The following USP25 variants were observed in gnomAD, a reference collection of about 807,000 sequenced individuals.
The protein encoded by USP25 is ubiquitin specific peptidase 25.
In USP25, 85 loss-of-function variants were observed where a neutral mutation model predicts 158.5. The ratio of observed to expected loss-of-function variants is 0.54; its 90% CI spans 0.45 to 0.64. USP25 has a LOEUF of 0.64. USP25 is among the 30% of genes least tolerant of loss of function. The pLI is 0.00. For missense variants in USP25, 1,242 were observed against 1,327.3 expected (o/e 0.94, Z 1.00); for synonymous variants, 464 against 460.4 (o/e 1.01, Z -0.10).
At chr21:15,862,843 TATTA>T in intron 20 of USP25, among the ~76,000 whole-genome samples, 1 of 146,900 alleles carries the variant, frequency 6.8e-6, no homozygotes, top group East Asian at 2.0e-4. Context: ...AGAAAGAACA[TATTA>T]GCCTTCCTTT....
At chr21:15,767,923 G>A (rs2034135571) in intron 3 of USP25, among the ~76,000 whole-genome samples, 2 of 152,054 alleles carry the variant, frequency 1.3e-5, no homozygotes, top group African/African-American at 4.8e-5. Context: ...GGTTACACCT[G>A]TTTACGATTT....
intron 5 of USP25, among the ~76,000 whole-genome samples, chr21:15,796,498 C>T (rs1180362695): frequency 6.6e-6 from 1 of 151,362 alleles, no homozygotes; most frequent in South Asian, 2.1e-4. Context: ...CTGACTGCTG[C>T]GTAGTTGAGG....
intron 4 of USP25, among the ~76,000 whole-genome samples, chr21:15,780,088 A>G (rs1281804057): frequency 6.6e-6 from 1 of 152,208 alleles, no homozygotes; most frequent in Non-Finnish European, 1.5e-5. Flanking sequence ...AGACATTTAT[A>G]TATTATGCTT....
chr21:15,812,992 A>C (rs1449254782), intron 9 of USP25, among the ~76,000 whole-genome samples: 1 of 150,872 alleles, frequency 6.6e-6, no homozygotes, highest in Non-Finnish European at 1.5e-5. Flanking sequence ...TTCCTTTTTC[A>C]TCTAAAACCT....
chr21:15,844,261 C>A (rs1166167039), intron 18 of USP25, among the ~76,000 whole-genome samples: 2 of 152,022 alleles, frequency 1.3e-5, no homozygotes, highest in Non-Finnish European at 2.9e-5. Flanking sequence ...TTAAACTTAG[C>A]GTACACTAGA....
chr21:15,779,714 A>G (rs2034855395), intron 4 of USP25, among the ~76,000 whole-genome samples: 1 of 151,948 alleles, frequency 6.6e-6, no homozygotes, highest in African/African-American at 2.4e-5. Flanking sequence ...ATCTCTTCAG[A>G]TAATGCTGTT....
intron 4 of USP25, among the ~76,000 whole-genome samples, chr21:15,783,793 TAAAA>T (rs34055394): frequency 5.2e-4 from 64 of 122,208 alleles, no homozygotes; most frequent in African/African-American, 1.7e-3. Flanking sequence ...CCGTCTGTAC[TAAAA>T]AAAAAAAAAA....
At chr21:15,745,126 G>C (rs532325625) in intron 1 of USP25, 2 of 152,328 alleles carry the variant, frequency 1.3e-5, no homozygotes, top group East Asian at 3.9e-4. Context: ...TTTTATGGTC[G>C]GGGGGAGGGA....
At position 15,766,881 on chromosome 21, in the gene USP25, A is replaced by G. The variant is rs1337102380; in HGVS notation, c.268+740A>G. Among the ~76,000 whole-genome samples the G allele has an allele frequency of 6.6e-6, 1 of 152,086 alleles. No individual in the cohort carries two copies. The highest frequency in any genetic ancestry group is 1.5e-5 in the Non-Finnish European group (1 of 67,962). Reference sequence around the variant, plus strand: ...AACATATATTTGGAGAGAATTTCTTATTTTGTTTATAGACATTCTCAAAGT... The same window carrying G: ...AACATATATTTGGAGAGAATTTCTTGTTTTGTTTATAGACATTCTCAAAGT... On this transcript the variant is annotated intron_variant, in intron 3 of 25. Coordinates refer to ENST00000400183, the MANE Select transcript of USP25 (RefSeq NM_001283041.3). This position sits in a 1 kb window ranked among gnomAD's most constrained non-coding sequence, Gnocchi z 4.0.
intron 1 of USP25, among the ~76,000 whole-genome samples, chr21:15,754,318 A>C (rs2033234685): frequency 6.6e-6 from 1 of 152,182 alleles, no homozygotes; most frequent in Admixed American, 6.5e-5. Flanking sequence ...TCACATCTGC[A>C]GGCTCTGCTG....
intron 4 of USP25, among the ~76,000 whole-genome samples, chr21:15,780,133 T>G (rs1025391064): frequency 6.6e-6 from 1 of 152,178 alleles, no homozygotes; most frequent in African/African-American, 2.4e-5. Context: ...TTACTGAAGT[T>G]GATATAGGGA....
At chr21:15,754,985 G>A (rs535268259) in intron 1 of USP25, among the ~76,000 whole-genome samples, 1 of 152,286 alleles carries the variant, frequency 6.6e-6, no homozygotes, top group East Asian at 1.9e-4. Flanking sequence ...GTGTTAGCAG[G>A]TAGATGCAGA....
In USP25 at chr21:15,730,195, A is replaced by G. The variant is rs2030640225; in HGVS notation, c.-199A>G. On this transcript the variant is annotated 5_prime_UTR_variant, in exon 1 of 26. Coordinates refer to ENST00000400183, the MANE Select transcript of USP25 (RefSeq NM_001283041.3). ...ACGTGAGGCGGCCGCCGTGGCCCTC[A>G]CAGTCGGCGTTTCGCCGCCTGCCCG... The G allele has an allele frequency of 2.6e-6, 1 of 378,670 alleles. No individual in the cohort carries two copies. Among genetic ancestry groups the G allele is most frequent in the African/African-American group, 2.2e-5 (1 of 45,026 alleles). 23.5% of individuals were successfully genotyped at this position (378,670 alleles called of 1,614,324 possible). A position where few individuals can be genotyped will look rare whatever the true frequency, so the allele number is the denominator to read the frequency against.
At chr21:15,866,462 A>C in intron 22 of USP25, 118 bp downstream of exon 22, 1 of 605,956 alleles carries the variant, frequency 1.7e-6, no homozygotes. Context: ...TAAAAAAATT[A>C]AGTTTCCAAG....
intron 22 of USP25, among the ~76,000 whole-genome samples, chr21:15,869,745 T>A (rs2072678223): frequency 6.6e-6 from 1 of 152,212 alleles, no homozygotes; most frequent in South Asian, 2.1e-4. Flanking sequence ...AATAGTTCAA[T>A]AATATGATTT....
chr21:15,859,795 C>T (rs1487187124), intron 20 of USP25, among the ~76,000 whole-genome samples: 1 of 151,552 alleles, frequency 6.6e-6, no homozygotes, highest in Non-Finnish European at 1.5e-5. Flanking sequence ...GTATTATCAC[C>T]TTTCTTATTT....
chr21:15,853,310 T>C (rs558927532), intron 20 of USP25, among the ~76,000 whole-genome samples: 13 of 151,796 alleles, frequency 8.6e-5, no homozygotes, highest in Non-Finnish European at 1.8e-4. Flanking sequence ...TACACACAGG[T>C]ACACACATGT....
At chr21:15,830,750 A>G (rs1200804924) in intron 15 of USP25, 149 bp downstream of exon 15, 1 of 566,304 alleles carries the variant, frequency 1.8e-6, no homozygotes, top group Non-Finnish European at 3.1e-6. Flanking sequence ...GGCTTGCAAT[A>G]TGTACAATGT....
chr21:15,779,161 C>T (rs942873843), intron 4 of USP25, among the ~76,000 whole-genome samples: 34 of 144,840 alleles, frequency 2.3e-4, no homozygotes, highest in Non-Finnish European at 4.1e-4. Context: ...CTCTATTGTC[C>T]CCCTCATTAG....
Sources: gnomAD v4.1 joint callset for allele counts (sites outside exome capture counted in the v4.1 genomes callset) on GRCh38, gnomAD v4.1.1 for gene constraint, Gnocchi (gnomAD v3.1) non-coding constraint, MANE v1.5 for transcripts, NCBI Gene and HGNC (gene_info 2026-07-23, HGNC 2026-07-21) for gene names.